The following USP7 variants were observed in gnomAD, a reference collection of about 807,000 sequenced individuals.
USP7 encodes the protein ubiquitin specific peptidase 7.
Under a neutral mutation model 162.9 loss-of-function variants are expected in USP7, and 9 were observed. The observed-to-expected ratio is 0.06, with a 90% confidence interval of 0.03 to 0.10. The LOEUF (loss-of-function observed/expected upper bound fraction) is 0.10, where lower values mean the gene tolerates loss of function less well. Among genes scored for constraint, USP7 ranks in the 10% least tolerant of loss-of-function variants. The probability of loss-of-function intolerance (pLI) is 1.00; values close to 1 mark genes in which losing one functional copy is unlikely to be tolerated. For synonymous variants in USP7, 562 were observed against 475.9 expected (o/e 1.18, Z -2.35); for missense variants, 715 against 1,373.7 (o/e 0.52, Z 7.58).
intron 2 of USP7, among the ~76,000 whole-genome samples, chr16:8,924,363 A>G (rs536418992): frequency 1.1e-4 from 16 of 152,252 alleles, no homozygotes; most frequent in Non-Finnish European, 1.9e-4. Flanking sequence ...ACAAGCTTCT[A>G]AACGCTTCCT....
chr16:8,893,781 T>C lies in USP7; in HGVS notation c.*217A>G. On this transcript the variant is annotated 3_prime_UTR_variant, in exon 31 of 31. Coordinates refer to ENST00000344836, the MANE Select transcript of USP7 (RefSeq NM_003470.3). ...GTGGTTACCATAAAATAACTCTCAT[T>C]GGCATCCAAGCTTTATAAAAACATC... is the stretch of plus-strand genomic sequence containing the variant. The C allele has an allele frequency of 9.6e-6, 5 of 521,372 alleles. No individual in the cohort carries two copies. The highest frequency in any genetic ancestry group is 1.0e-5 in the Non-Finnish European group (3 of 287,254). 32.3% of individuals were successfully genotyped at this position (521,372 alleles called of 1,614,324 possible).
chr16:8,926,499 AG>A lies in USP7; in HGVS notation c.185-3087del, dbSNP rs572107757. On this transcript the variant is annotated intron_variant, in intron 2 of 30. Coordinates refer to ENST00000344836, the MANE Select transcript of USP7 (RefSeq NM_003470.3). ...TCTGGTCTCCAAAAAAATTCAAGAT[AG>A]GAGGGCCAAAAAAAAGGAGAAGTGG... Among the ~76,000 whole-genome samples the A allele has an allele frequency of 4.6e-3, 708 of 152,264 alleles. 4 individuals carry two copies. Among genetic ancestry groups the A allele is most frequent in the Middle Eastern group, 0.027 (8 of 294 alleles).
intron 1 of USP7, among the ~76,000 whole-genome samples, chr16:8,959,168 T>G (rs1008346030): frequency 6.6e-6 from 1 of 152,096 alleles, no homozygotes; most frequent in Non-Finnish European, 1.5e-5. Context: ...ATGACCTCCT[T>G]TAAGGGATGG....
intron 26 of USP7, 66 bp downstream of exon 26, chr16:8,896,932 CT>C (rs1258042049): frequency 3.3e-5 from 40 of 1,225,110 alleles, no homozygotes; most frequent in Non-Finnish European, 4.6e-5. Flanking sequence ...ACCAACGCAA[CT>C]GCAGAGGTCA....
intron 1 of USP7, among the ~76,000 whole-genome samples, chr16:8,931,444 C>G: frequency 6.6e-6 from 1 of 152,208 alleles, no homozygotes; most frequent in South Asian, 2.1e-4. Context: ...GCCTTGGCCT[C>G]CCAAAGTGCT....
Position 8,893,901 on chromosome 16 carries a change from GCTGAAGA to G in USP7, c.*90_*96del. 5.6e-6 allele frequency: 6 copies of G among 1,063,976 alleles called. No homozygotes were observed. In the South Asian group the frequency reaches 6.4e-5, roughly 11 times the overall value. 65.9% of individuals were successfully genotyped at this position (1,063,976 alleles called of 1,614,324 possible). On this transcript the variant is annotated 3_prime_UTR_variant, in exon 31 of 31. Coordinates refer to ENST00000344836, the MANE Select transcript of USP7 (RefSeq NM_003470.3). ...ATTAACACCAGCAGCGAATCCTCTT[GCTGAAGA>G]CTTCGGCTAGAGGGCACGTGCACCA...
At position 8,906,450 on chromosome 16, in the gene USP7, A is replaced by G; in HGVS notation, c.1404T>C (p.Tyr468=). The G allele has an allele frequency of 6.2e-7, 1 of 1,612,254 alleles. No individual in the cohort carries two copies. The highest frequency in any genetic ancestry group is 8.5e-7 in the Non-Finnish European group (1 of 1,179,992). Residue 468 remains tyrosine, a synonymous_variant, in exon 13 of 31, where the codon TAT becomes TAC. Transcript: ENST00000344836. The part of the protein sequence containing the change: ...GDNHGGHYVV[Y]LNPKGDGKWC... ...CTTTGCCATCCCCTTTGGGGTTTAG[A>G]TAAACCACATAATGTCCACCATGAT...
At chr16:8,913,343 G>C (rs979959895) in intron 10 of USP7, among the ~76,000 whole-genome samples, 2 of 152,106 alleles carry the variant, frequency 1.3e-5, no homozygotes, top group African/African-American at 4.8e-5. Context: ...GCAACAGAGC[G>C]AGACTCCCTC....
At chr16:8,924,272 TCCCACA>T (rs1041184765) in intron 2 of USP7, among the ~76,000 whole-genome samples, 1 of 152,238 alleles carries the variant, frequency 6.6e-6, no homozygotes, top group East Asian at 1.9e-4. Flanking sequence ...GGCACAGTCC[TCCCACA>T]CCCACACCAA....
At chr16:8,924,798 C>T (rs753123835) in intron 2 of USP7, among the ~76,000 whole-genome samples, 9 of 152,182 alleles carry the variant, frequency 5.9e-5, no homozygotes, top group Non-Finnish European at 7.3e-5. Flanking sequence ...GCATGTGTGA[C>T]GGTAAGCACT....
chr16:8,902,133 C>A lies in USP7; in HGVS notation c.1996G>T (p.Asp666Tyr). The A allele has an allele frequency of 6.2e-7, 1 of 1,614,210 alleles. No individual in the cohort carries two copies. The highest frequency in any genetic ancestry group is 8.5e-7 in the Non-Finnish European group (1 of 1,180,044). ...GCTCCACTAGCAGCCAGCTCGGGAT[C>A]AACTGTTTCCAGGAATATTGTCCAA... is the stretch of plus-strand genomic sequence containing the variant. ...NPWTIFLETV[D>Y]PELAASGATL... The change falls in exon 18 of 31, where the codon GAT (aspartate) becomes TAT (tyrosine). Residue 666 changes from aspartate (D) to tyrosine (Y), a missense_variant. Asp to Tyr is a radical substitution (Grantham distance 160, BLOSUM62 -3). Around this residue, in one of 11 missense-constraint regions of USP7, gnomAD observed 197 missense variants for 306.5 expected, o/e 0.64. Transcript: ENST00000344836.
At chr16:8,905,413 T>C (rs1179990812) in intron 13 of USP7, 82 bp from the exon 14 acceptor site, 51 of 1,546,872 alleles carry the variant, frequency 3.3e-5, no homozygotes, top group Non-Finnish European at 8.9e-7. Context: ...TGTTCTAAAA[T>C]GTGTGAACTT....
At chr16:8,933,368 G>A (rs998484303) in intron 1 of USP7, among the ~76,000 whole-genome samples, 15 of 152,170 alleles carry the variant, frequency 9.9e-5, no homozygotes, top group Admixed American at 9.2e-4. Context: ...GCAATATAGT[G>A]AGATTCCCAA....
Position 8,894,972 on chromosome 16 carries a change from C to T in USP7, c.3039+59G>A, listed in dbSNP as rs901030761. 1.7e-5 allele frequency: 28 copies of T among 1,613,150 alleles called. No individual in the cohort carries two copies. In the African/African-American group the frequency reaches 2.3e-4, roughly 13 times the overall value. ...AGCAGGAGCGCAGATTCGGCAACAG[C>T]GGCCACTCAAAGGCTCCAGGTTTTG... is the stretch of plus-strand genomic sequence containing the variant. On this transcript the variant is annotated intron_variant, in intron 28 of 30. Coordinates refer to ENST00000344836, the MANE Select transcript of USP7 (RefSeq NM_003470.3).
chr16:8,914,382 G>A (rs2061996899), intron 10 of USP7, among the ~76,000 whole-genome samples: 1 of 151,138 alleles, frequency 6.6e-6, no homozygotes, highest in Non-Finnish European at 1.5e-5. Flanking sequence ...CATCAAGCTG[G>A]ACATACGCAC....
chr16:8,947,188 T>C (rs1485806082), intron 1 of USP7, among the ~76,000 whole-genome samples: 1 of 152,164 alleles, frequency 6.6e-6, no homozygotes, highest in African/African-American at 2.4e-5. Context: ...AAGTCTTCTA[T>C]TACAACAGAC....
intron 2 of USP7, among the ~76,000 whole-genome samples, chr16:8,927,426 G>C (rs916805496): frequency 1.3e-5 from 2 of 152,068 alleles, no homozygotes; most frequent in African/African-American, 4.8e-5. Flanking sequence ...AGTGATTTTA[G>C]CAAACTTCTG....
chr16:8,895,148 T>G lies in USP7; in HGVS notation c.2922A>C (p.Glu974Asp). The G allele has an allele frequency of 6.2e-7, 1 of 1,614,210 alleles. No individual in the cohort carries two copies. The highest frequency in any genetic ancestry group is 1.1e-5 in the South Asian group (1 of 91,080). Residue 974 changes from glutamate to aspartate, a missense_variant and splice_region_variant, in exon 28 of 31, where the codon GAA becomes GAC. Around this residue, in one of 11 missense-constraint regions of USP7, gnomAD observed 222 missense variants for 441.7 expected, o/e 0.50. Coordinates refer to ENST00000344836, the MANE Select transcript of USP7 (RefSeq NM_003470.3). ...PATSRTFRIE[E>D]IPLDQVDIDK... ...CTATGTCCACCTGGTCCAAAGGGAT[T>G]TCCTGGGGACACGGACAACAGACAC... is the stretch of plus-strand genomic sequence containing the variant.
intron 13 of USP7, 69 bp from the exon 14 acceptor site, chr16:8,905,400 C>T (rs972062533): frequency 3.2e-6 from 5 of 1,580,060 alleles, no homozygotes; most frequent in African/African-American, 1.3e-5. Flanking sequence ...TAGAAGGCAG[C>T]GTTGTTCTAA....
Sources: allele counts gnomAD v4.1 joint callset (sites outside exome capture counted in the v4.1 genomes callset), GRCh38; gene constraint gnomAD v4.1.1; regional missense constraint gnomAD v4.1.1; transcripts MANE v1.5; gene names NCBI Gene and HGNC (gene_info 2026-07-23, HGNC 2026-07-21).